VEZT: variants seen among roughly 807,000 people sequenced by gnomAD.
VEZT encodes the protein vezatin.
In VEZT, 39 loss-of-function variants were observed where a neutral mutation model predicts 79.9. That is an observed-to-expected ratio of 0.49 (90% CI 0.38 to 0.64). The LOEUF (loss-of-function observed/expected upper bound fraction) is 0.64. Ranked by LOEUF, VEZT falls within the 30% of genes least tolerant of loss-of-function variation. The pLI is 0.00. For synonymous variants in VEZT, 325 were observed against 327.6 expected, an observed-to-expected ratio of 0.99 and a Z score of 0.09; for missense variants, 837 against 893.1, an observed-to-expected ratio of 0.94 and a Z score of 0.80.
chr12:95,300,326 T>C lies in VEZT; in HGVS notation c.1993T>C (p.Cys665Arg). 1 of 1,611,132 alleles carries C rather than the reference T, an allele frequency of 6.2e-7. No homozygotes were observed. Among genetic ancestry groups the C allele is most frequent in the Non-Finnish European group, 8.5e-7 (1 of 1,178,514 alleles). Residue 665 changes from cysteine to arginine, a missense_variant, in exon 12 of 12, where the codon TGT (cysteine) becomes CGT (arginine). Cys to Arg is a radical substitution (Grantham distance 180). Coordinates refer to ENST00000436874, the MANE Select transcript of VEZT (RefSeq NM_017599.4). ...TGAAATAAGTAGGACTGAGTATTTA[T>C]GTGAAAACTCTCTAGAAGGTAAAAA... is the stretch of plus-strand genomic sequence containing the variant. ...DNEISRTEYL[C>R]ENSLEGKNKD...
chr12:95,223,124 G>T (rs1394609847), intron 1 of VEZT, among the ~76,000 whole-genome samples: 1 of 152,064 alleles, frequency 6.6e-6, no homozygotes, highest in Non-Finnish European at 1.5e-5. Flanking sequence ...CTTTGAGCAG[G>T]TTACTTAACT....
At position 95,242,569 on chromosome 12, in the gene VEZT, G is replaced by A. The variant is rs1051657917; in HGVS notation, c.37-9371G>A. Among the ~76,000 whole-genome samples, 10 of 152,118 alleles carry A rather than the reference G, an allele frequency of 6.6e-5. No individual in the cohort carries two copies. The East Asian group carries it at 7.7e-4, about 12-fold the overall frequency. On this transcript the variant is annotated intron_variant, in intron 1 of 11. Coordinates refer to ENST00000436874, the MANE Select transcript of VEZT (RefSeq NM_017599.4). ...CTCAGTAGCTGGGACTACGTGTGGAGTGTTTTAAAATCTAATAAAATGGGC... is the reference window on the plus strand; with the variant it reads ...CTCAGTAGCTGGGACTACGTGTGGAATGTTTTAAAATCTAATAAAATGGGC...
At chr12:95,288,700 A>G (rs2071665764) in intron 9 of VEZT, among the ~76,000 whole-genome samples, 1 of 152,234 alleles carries the variant, frequency 6.6e-6, no homozygotes, top group Non-Finnish European at 1.5e-5. Flanking sequence ...CACTTTTTCC[A>G]AAGGAAATAT....
chr12:95,261,714 A>G (rs1018064335), intron 3 of VEZT, among the ~76,000 whole-genome samples: 15 of 152,172 alleles, frequency 9.9e-5, no homozygotes, highest in Non-Finnish European at 1.5e-5. Flanking sequence ...CCCGGCCTCT[A>G]TTTGTTTAAA....
intron 9 of VEZT, among the ~76,000 whole-genome samples, chr12:95,289,129 T>TAAAA (rs1555292252): frequency 0.014 from 1,943 of 140,326 alleles, 31 homozygotes; most frequent in South Asian, 0.038. Flanking sequence ...AATAAATAAA[T>TAAAA]AAAAAAGGCC....
intron 1 of VEZT, among the ~76,000 whole-genome samples, chr12:95,221,581 G>A: frequency 6.6e-6 from 1 of 151,662 alleles, no homozygotes; most frequent in Admixed American, 6.6e-5. Flanking sequence ...GGTGGCTCAT[G>A]CCTGTAATCC....
intron 1 of VEZT, among the ~76,000 whole-genome samples, chr12:95,235,762 G>A (rs1322160822): frequency 6.6e-6 from 1 of 150,980 alleles, no homozygotes; most frequent in Non-Finnish European, 1.5e-5. Context: ...GGCCGGAGAC[G>A]CTCCTCACTT....
chr12:95,279,985 A>G (rs1263659208), intron 7 of VEZT, among the ~76,000 whole-genome samples: 1 of 152,096 alleles, frequency 6.6e-6, no homozygotes, highest in Non-Finnish European at 1.5e-5. Flanking sequence ...TTTTTCTCTC[A>G]ATACCAATCA....
At chr12:95,255,683 G>A (rs368739710) in intron 2 of VEZT, among the ~76,000 whole-genome samples, 23 of 152,180 alleles carry the variant, frequency 1.5e-4, no homozygotes, top group East Asian at 1.4e-3. Flanking sequence ...CACCCACCTC[G>A]GCCTCCCAAA....
In VEZT at chr12:95,257,193, T is replaced by A. The variant is rs1339966902; in HGVS notation, c.212T>A (p.Ile71Asn). Residue 71 changes from isoleucine to asparagine, a missense_variant, in exon 3 of 12, where the codon ATT (isoleucine) becomes AAT (asparagine). Ile to Asn is a moderately radical substitution (Grantham distance 149, BLOSUM62 -3). Coordinates refer to ENST00000436874, the MANE Select transcript of VEZT (RefSeq NM_017599.4). ...GTGGCTGAAACCATCAAAAGTTGGA[T>A]TTTTTTTTCTCAGTGCAATAAGAAA... ...LKVAETIKSW[I>N]FFSQCNKKDD... The A allele has an allele frequency of 1.2e-6, 2 of 1,606,632 alleles. No homozygotes were observed. Among genetic ancestry groups the A allele is most frequent in the Admixed American group, 1.7e-5 (1 of 59,302 alleles).
chr12:95,276,232 T>G (rs923864105), intron 7 of VEZT, among the ~76,000 whole-genome samples: 27 of 151,484 alleles, frequency 1.8e-4, no homozygotes, highest in Admixed American at 9.9e-4. Context: ...AAATTTTTTT[T>G]GTTTTTCTTT....
At chr12:95,283,609 G>A (rs1403299069) in intron 8 of VEZT, among the ~76,000 whole-genome samples, 1 of 152,154 alleles carries the variant, frequency 6.6e-6, no homozygotes, top group Non-Finnish European at 1.5e-5. Flanking sequence ...CAAAATCACT[G>A]GAATTAGGGA....
At chr12:95,287,209 A>G (rs968478228) in intron 8 of VEZT, among the ~76,000 whole-genome samples, 3 of 152,224 alleles carry the variant, frequency 2.0e-5, no homozygotes, top group African/African-American at 4.8e-5. Flanking sequence ...AAAAATTATC[A>G]TTTAATCATT....
intron 3 of VEZT, among the ~76,000 whole-genome samples, chr12:95,260,479 G>A (rs2064250565): frequency 6.6e-6 from 1 of 152,132 alleles, no homozygotes; most frequent in Non-Finnish European, 1.5e-5. Context: ...TTTTGGGGAG[G>A]TGTTATCCCA....
intron 1 of VEZT, among the ~76,000 whole-genome samples, chr12:95,239,776 A>G (rs926960742): frequency 1.3e-5 from 2 of 152,106 alleles, no homozygotes; most frequent in Non-Finnish European, 2.9e-5. Context: ...CCATGGTGAA[A>G]CACCATCTCT....
intron 1 of VEZT, among the ~76,000 whole-genome samples, chr12:95,234,381 C>A (rs915893283): frequency 6.6e-6 from 1 of 151,414 alleles, no homozygotes; most frequent in African/African-American, 2.4e-5. Flanking sequence ...TCCCCGCCGG[C>A]CGGGTTCAAG....
Position 95,235,705 on chromosome 12 carries a change from CG to C in VEZT, c.37-16232del, listed in dbSNP as rs1260170474. Among the ~76,000 whole-genome samples, 9 of 145,984 alleles carry C rather than the reference CG, an allele frequency of 6.2e-5. No individual in the cohort carries two copies. In the South Asian group the frequency reaches 2.0e-3, roughly 32 times the overall value. On this transcript the variant is annotated intron_variant, in intron 1 of 11. Coordinates refer to ENST00000436874, the MANE Select transcript of VEZT (RefSeq NM_017599.4). ...CTCCCTCCCGGACGGGGCGGCTGGC[CG>C]GGCGGGGGGCTGACCCCCACCTCCC...
chr12:95,287,623 C>A, intron 8 of VEZT, 41 bp from the exon 9 acceptor site: 1 of 1,407,476 alleles, frequency 7.1e-7, no homozygotes, highest in Non-Finnish European at 9.4e-7. Flanking sequence ...TTTTTCATTT[C>A]ATATTATAGA....
chr12:95,234,683 A>T (rs12422591), intron 1 of VEZT, among the ~76,000 whole-genome samples: 16,664 of 151,584 alleles, frequency 0.11, 1,212 homozygotes, highest in Non-Finnish European at 0.16. Flanking sequence ...TTATTTATTT[A>T]TTTTTTAATT....
Sources: gnomAD v4.1 joint callset for allele counts (sites outside exome capture counted in the v4.1 genomes callset) on GRCh38, gnomAD v4.1.1 for gene constraint, MANE v1.5 for transcripts, NCBI Gene and HGNC (gene_info 2026-07-23, HGNC 2026-07-21) for gene names.